TEN1: variants seen among roughly 807,000 people sequenced by gnomAD.
TEN1 encodes the protein CST complex subunit TEN1.
A neutral mutation model predicts 9.3 loss-of-function variants in TEN1; 6 were observed. The ratio of observed to expected loss-of-function variants is 0.65; its 90% CI spans 0.35 to 1.27. The LOEUF (loss-of-function observed/expected upper bound fraction) is 1.27, where lower values mean the gene tolerates loss of function less well. Among genes scored for constraint, TEN1 ranks in the 50% most tolerant of loss-of-function variants. The pLI is 0.03. For missense variants in TEN1, 149 were observed against 158.2 expected, an observed-to-expected ratio of 0.94 and a Z score of 0.31; for synonymous variants, 65 against 65.6, an observed-to-expected ratio of 0.99 and a Z score of 0.04.
rs115664320 is a variant in TEN1 at position 75,995,496 on chromosome 17, G to A, written c.250+3873G>A. On this transcript the variant is annotated intron_variant, in intron 3 of 3. Coordinates refer to ENST00000397640, the MANE Select transcript of TEN1 (RefSeq NM_001113324.3). ...CTGACAGTACTGAGGACAGGTGAGA[G>A]GTCACCCTTCTCAAATGTTTGCCTA... 1.6e-3 allele frequency among the ~76,000 whole-genome samples: 249 copies of A among 152,332 alleles called. 2 individuals are homozygous for A. The highest frequency in any genetic ancestry group is 5.8e-3 in the African/African-American group (242 of 41,580).
chr17:75,988,222 A>C, intron 2 of TEN1, among the ~76,000 whole-genome samples: 1 of 151,044 alleles, frequency 6.6e-6, no homozygotes, highest in East Asian at 2.0e-4. Flanking sequence ...CCTGGGTGAC[A>C]AGAGTGAAAT....
rs1466655686 is a variant in TEN1 at position 75,988,589 on chromosome 17, A to AAAAGAAGAAG, written c.92+2310_92+2319dup. Among the ~76,000 whole-genome samples the AAAAGAAGAAG allele has an allele frequency of 4.1e-5, 6 of 147,998 alleles. No individual in the cohort carries two copies. The East Asian group carries it at 1.2e-3, about 29-fold the overall frequency. ...AAAAAAAAAAAAAAAAAAAAAAAAG[A>AAAAGAAGAAG]AAAGAAGAAGAAAGCAATATTTTAA... On this transcript the variant is annotated intron_variant, in intron 2 of 3. Transcript: ENST00000397640.
At chr17:75,981,504 T>A (rs899852165) in intron 1 of TEN1, among the ~76,000 whole-genome samples, 2 of 152,070 alleles carry the variant, frequency 1.3e-5, no homozygotes, top group Non-Finnish European at 2.9e-5. Flanking sequence ...ATTAACACTT[T>A]TGAAGTGTAT....
chr17:75,980,077 C>T (rs1253462651), intron 1 of TEN1, among the ~76,000 whole-genome samples: 1 of 151,914 alleles, frequency 6.6e-6, no homozygotes. Context: ...TGGCTCACGC[C>T]TGGAATCCCA....
At chr17:75,984,947 AAG>A (rs2066143005) in intron 1 of TEN1, 2 of 152,186 alleles carry the variant, frequency 1.3e-5, no homozygotes, top group South Asian at 4.1e-4. Context: ...CGTGTTGATG[AAG>A]AGAGTCAAAT....
chr17:75,984,241 C>T (rs543064752), intron 1 of TEN1, among the ~76,000 whole-genome samples: 1 of 152,312 alleles, frequency 6.6e-6, no homozygotes, highest in East Asian at 1.9e-4. Flanking sequence ...TTGCAAAGGA[C>T]ATCTTACTTC....
chr17:75,996,706 C>CAAA (rs35106916), intron 3 of TEN1, among the ~76,000 whole-genome samples: 13 of 95,900 alleles, frequency 1.4e-4, no homozygotes, highest in South Asian at 4.2e-4. Context: ...GAGACCCTGT[C>CAAA]AAAAAAAAAA....
Sources: allele counts gnomAD v4.1 joint callset (sites outside exome capture counted in the v4.1 genomes callset), GRCh38; gene constraint gnomAD v4.1.1; transcripts MANE v1.5; gene names NCBI Gene and HGNC (gene_info 2026-07-23, HGNC 2026-07-21).